ERBIN: variants seen among roughly 807,000 people sequenced by gnomAD.
ERBIN encodes the protein erbb2 interacting protein.
ERBIN carries 60 observed loss-of-function variants against 158.4 expected under a neutral mutation model. The ratio of observed to expected loss-of-function variants is 0.38; its 90% CI spans 0.31 to 0.47. The LOEUF is 0.47. ERBIN is among the 20% of genes least tolerant of loss of function. ERBIN has a pLI of 0.99. For missense variants in ERBIN, 1,610 were observed against 1,648.0 expected (o/e 0.98, Z 0.40); for synonymous variants, 594 against 557.2 (o/e 1.07, Z -0.93).
At chr5:66,058,394 C>A (rs1417038154) in intron 21 of ERBIN, among the ~76,000 whole-genome samples, 1 of 151,754 alleles carries the variant, frequency 6.6e-6, no homozygotes, top group Non-Finnish European at 1.5e-5. Context: ...TTGTTTTTTT[C>A]TTGTAAATTT....
chr5:65,958,486 C>A (rs989054766), intron 1 of ERBIN, among the ~76,000 whole-genome samples: 1 of 151,484 alleles, frequency 6.6e-6, no homozygotes, highest in Non-Finnish European at 1.5e-5. Context: ...TCAGGCGGGG[C>A]GGTGCGCGCC....
At chr5:66,039,152 A>T (rs1449206803) in intron 15 of ERBIN, among the ~76,000 whole-genome samples, 3 of 152,108 alleles carry the variant, frequency 2.0e-5, no homozygotes, top group Admixed American at 2.0e-4. Context: ...TAGTACATAG[A>T]AACACTGAAG....
chr5:65,939,636 C>T (rs1744559684), intron 1 of ERBIN, among the ~76,000 whole-genome samples: 2 of 152,154 alleles, frequency 1.3e-5, no homozygotes, highest in East Asian at 1.9e-4. Context: ...CGGCTCACTG[C>T]AGCCTCCCTG....
intron 21 of ERBIN, chr5:66,068,992 G>A (rs1210237615): frequency 2.0e-6 from 3 of 1,534,456 alleles, no homozygotes; most frequent in Non-Finnish European, 2.6e-6. Flanking sequence ...GTTGCAGACA[G>A]AAGAGGTTCT....
At chr5:65,991,033 G>T (rs896198031) in intron 2 of ERBIN, among the ~76,000 whole-genome samples, 1 of 152,094 alleles carries the variant, frequency 6.6e-6, no homozygotes, top group East Asian at 1.9e-4. Flanking sequence ...TAGGATTACC[G>T]GTCTGAGCTA....
chr5:65,982,223 T>C (rs1347936916), intron 1 of ERBIN, among the ~76,000 whole-genome samples: 2 of 152,174 alleles, frequency 1.3e-5, no homozygotes, highest in Non-Finnish European at 2.9e-5. Context: ...GTAGTGTACG[T>C]TACAGGAGAA....
At chr5:65,934,015 G>C (rs987550863) in intron 1 of ERBIN, among the ~76,000 whole-genome samples, 1 of 152,042 alleles carries the variant, frequency 6.6e-6, no homozygotes, top group African/African-American at 2.4e-5. Flanking sequence ...TCCTGCCTCA[G>C]CCTCCCAAGT....
chr5:66,069,566 G>A (rs1761343024), intron 21 of ERBIN, among the ~76,000 whole-genome samples: 1 of 152,146 alleles, frequency 6.6e-6, no homozygotes, highest in Non-Finnish European at 1.5e-5. Flanking sequence ...CATTTCCTTA[G>A]TAGTGAAGAA....
intron 4 of ERBIN, among the ~76,000 whole-genome samples, chr5:66,000,575 T>G (rs1752922705): frequency 6.6e-6 from 1 of 152,158 alleles, no homozygotes; most frequent in Non-Finnish European, 1.5e-5. Flanking sequence ...TACTTAACTG[T>G]TCTTCCTCAA....
At chr5:65,995,911 G>T (rs572089295) in intron 4 of ERBIN, among the ~76,000 whole-genome samples, 7 of 152,248 alleles carry the variant, frequency 4.6e-5, no homozygotes, top group African/African-American at 1.4e-4. Flanking sequence ...TGTGTGTTTT[G>T]TTGAGAACTA....
At chr5:66,034,755 A>T (rs575024593) in intron 14 of ERBIN, among the ~76,000 whole-genome samples, 1 of 152,280 alleles carries the variant, frequency 6.6e-6, no homozygotes, top group African/African-American at 2.4e-5. Flanking sequence ...GTTTGTGGTG[A>T]TACTAATTTG....
chr5:66,040,164 A>G (rs911187772), intron 15 of ERBIN, among the ~76,000 whole-genome samples: 1 of 151,884 alleles, frequency 6.6e-6, no homozygotes, highest in African/African-American at 2.4e-5. Flanking sequence ...CCTCCAAAAT[A>G]GATGCTATTA....
At chr5:66,060,199 A>G (rs1370605680) in intron 21 of ERBIN, among the ~76,000 whole-genome samples, 1 of 152,182 alleles carries the variant, frequency 6.6e-6, no homozygotes, top group Non-Finnish European at 1.5e-5. Flanking sequence ...GCTATTAATT[A>G]TTGCCTCAAT....
At chr5:65,985,330 T>C (rs1216427736) in intron 1 of ERBIN, among the ~76,000 whole-genome samples, 2 of 152,212 alleles carry the variant, frequency 1.3e-5, no homozygotes, top group Non-Finnish European at 2.9e-5. Flanking sequence ...GACCTTGTGA[T>C]CCACCTACTT....
intron 21 of ERBIN, among the ~76,000 whole-genome samples, chr5:66,057,901 A>ATAG (rs1759792328): frequency 6.7e-6 from 1 of 149,616 alleles, no homozygotes; most frequent in Admixed American, 6.6e-5. Context: ...TTATGGCTGC[A>ATAG]TAGTATTCAC....
rs866258258 is a variant in ERBIN at position 65,991,787 on chromosome 5, G to C, written c.-9-923G>C. On this transcript the variant is annotated intron_variant, in intron 2 of 25. Coordinates refer to ENST00000284037, the MANE Select transcript of ERBIN (RefSeq NM_001253697.2). ...TTTTCCCTCAATTAATTTGAAATCT[G>C]TTCTTTATTTAAGCAAGTTTTTGCA... Among the ~76,000 whole-genome samples the C allele has an allele frequency of 2.0e-5, 3 of 152,124 alleles. No individual in the cohort carries two copies. In the South Asian group the frequency reaches 6.2e-4, roughly 32 times the overall value.
chr5:65,977,749 C>T (rs1208475250), intron 1 of ERBIN, among the ~76,000 whole-genome samples: 3 of 152,058 alleles, frequency 2.0e-5, no homozygotes, highest in Non-Finnish European at 4.4e-5. Flanking sequence ...ACTTCCCAGA[C>T]GGGGTGGCGG....
At chr5:66,005,909 T>C (rs1252512186) in intron 4 of ERBIN, among the ~76,000 whole-genome samples, 4 of 152,060 alleles carry the variant, frequency 2.6e-5, no homozygotes, top group Non-Finnish European at 5.9e-5. Context: ...TACAAACAAA[T>C]GGAAGAACAT....
intron 15 of ERBIN, among the ~76,000 whole-genome samples, chr5:66,040,676 T>G (rs572637080): frequency 1.7e-4 from 26 of 151,786 alleles, no homozygotes; most frequent in Admixed American, 1.4e-3. Flanking sequence ...AATAGATGAG[T>G]CAAAAAATAT....
Sources: gnomAD v4.1 joint callset for allele counts (sites outside exome capture counted in the v4.1 genomes callset) on GRCh38, gnomAD v4.1.1 for gene constraint, MANE v1.5 for transcripts, NCBI Gene and HGNC (gene_info 2026-07-23, HGNC 2026-07-21) for gene names.